NEGR1: variants seen among roughly 807,000 people sequenced by gnomAD.
NEGR1 encodes the protein neuronal growth regulator 1.
NEGR1 carries 10 observed loss-of-function variants against 40.9 expected under a neutral mutation model. That is an observed-to-expected ratio of 0.24 (90% CI 0.15 to 0.42). The LOEUF (loss-of-function observed/expected upper bound fraction) is 0.42. Among genes scored for constraint, NEGR1 ranks in the 10% least tolerant of loss-of-function variants. The pLI, the probability that NEGR1 is intolerant of heterozygous loss-of-function variation, is 1.00. For synonymous variants in NEGR1, 185 were observed against 166.8 expected (o/e 1.11, Z -0.84); for missense variants, 352 against 438.9 (o/e 0.80, Z 1.77).
intron 4 of NEGR1, among the ~76,000 whole-genome samples, chr1:71,626,059 T>C (rs1421290363): frequency 6.6e-6 from 1 of 151,778 alleles, no homozygotes; most frequent in Middle Eastern, 3.2e-3. Flanking sequence ...TGCCTGATGA[T>C]CTGAGGTGGA....
chr1:71,760,545 T>G (rs1308255336), intron 3 of NEGR1, among the ~76,000 whole-genome samples: 1 of 152,222 alleles, frequency 6.6e-6, no homozygotes, highest in Admixed American at 6.5e-5. Context: ...GATTCATTCA[T>G]TATATAATTA....
chr1:71,569,185 G>A (rs1439444481), intron 6 of NEGR1, among the ~76,000 whole-genome samples: 1 of 152,000 alleles, frequency 6.6e-6, no homozygotes, highest in African/African-American at 2.4e-5. Context: ...CAAAGTGCTG[G>A]GATTACAGGT....
chr1:71,437,526 A>T (rs747278471), intron 6 of NEGR1, among the ~76,000 whole-genome samples: 7 of 152,208 alleles, frequency 4.6e-5, no homozygotes, highest in Non-Finnish European at 8.8e-5. Context: ...TGGTGCTAAA[A>T]AAAAAGCTAA....
intron 4 of NEGR1, among the ~76,000 whole-genome samples, chr1:71,692,187 A>T: frequency 6.6e-6 from 1 of 151,920 alleles, no homozygotes; most frequent in East Asian, 1.9e-4. Flanking sequence ...AGATGTACCA[A>T]AGTGTATCAT....
intron 4 of NEGR1, among the ~76,000 whole-genome samples, chr1:71,633,085 T>C (rs902120315): frequency 6.6e-6 from 1 of 152,116 alleles, no homozygotes; most frequent in Non-Finnish European, 1.5e-5. Context: ...TACTTTCAAA[T>C]TGAGTTCAGG....
chr1:71,486,010 C>T (rs1288872374), intron 6 of NEGR1, among the ~76,000 whole-genome samples: 1 of 151,656 alleles, frequency 6.6e-6, no homozygotes, highest in East Asian at 1.9e-4. Flanking sequence ...GCCAAACTGT[C>T]TTCCAAAGTG....
intron 2 of NEGR1, among the ~76,000 whole-genome samples, chr1:71,833,125 T>C (rs1658896098): frequency 6.6e-6 from 1 of 152,186 alleles, no homozygotes; most frequent in Non-Finnish European, 1.5e-5. Flanking sequence ...TTTTCTTCAA[T>C]ATAGGCTACT....
intron 3 of NEGR1, among the ~76,000 whole-genome samples, chr1:71,739,587 T>G (rs1655151824): frequency 6.6e-6 from 1 of 152,006 alleles, no homozygotes; most frequent in Non-Finnish European, 1.5e-5. Context: ...TTCCCTCCTA[T>G]TCTATCTGTG....
At chr1:72,081,914 G>A (rs191726636) in intron 1 of NEGR1, among the ~76,000 whole-genome samples, 7 of 151,972 alleles carry the variant, frequency 4.6e-5, no homozygotes, top group African/African-American at 1.4e-4. Flanking sequence ...ACTTTAATGC[G>A]AATGACTGTA....
chr1:71,862,148 G>A (rs1659968191), intron 2 of NEGR1, among the ~76,000 whole-genome samples: 1 of 151,890 alleles, frequency 6.6e-6, no homozygotes, highest in Admixed American at 6.6e-5. Flanking sequence ...TTATTATAGG[G>A]AGATCTTCCT....
chr1:71,845,307 G>A (rs1391986405), intron 2 of NEGR1, among the ~76,000 whole-genome samples: 2 of 151,898 alleles, frequency 1.3e-5, no homozygotes, highest in Non-Finnish European at 2.9e-5. Flanking sequence ...ACCAATTTGT[G>A]CATAAATAAG....
At chr1:72,267,513 T>C (rs1322169977) in intron 1 of NEGR1, among the ~76,000 whole-genome samples, 1 of 151,310 alleles carries the variant, frequency 6.6e-6, no homozygotes, top group Non-Finnish European at 1.5e-5. Context: ...AAAATAGTTA[T>C]ATGTATCAAA....
At chr1:72,136,562 C>T (rs1650471307) in intron 1 of NEGR1, among the ~76,000 whole-genome samples, 1 of 147,264 alleles carries the variant, frequency 6.8e-6, no homozygotes, top group East Asian at 2.0e-4. Flanking sequence ...AATGGCCAGA[C>T]TTTATAAAGC....
intron 6 of NEGR1, among the ~76,000 whole-genome samples, chr1:71,561,990 T>A (rs1465728192): frequency 6.6e-6 from 1 of 150,810 alleles, no homozygotes; most frequent in Non-Finnish European, 1.5e-5. Context: ...TGCAATTCCT[T>A]TTTTAGAGGT....
At chr1:71,747,941 G>C (rs1227856870) in intron 3 of NEGR1, among the ~76,000 whole-genome samples, 1 of 151,684 alleles carries the variant, frequency 6.6e-6, no homozygotes, top group Admixed American at 6.6e-5. Flanking sequence ...CTATCATCCA[G>C]GTTCTTTCAA....
chr1:71,748,591 G>T (rs1250299651), intron 3 of NEGR1, among the ~76,000 whole-genome samples: 1 of 151,998 alleles, frequency 6.6e-6, no homozygotes, highest in East Asian at 1.9e-4. Flanking sequence ...ATGCCCTTTG[G>T]TTTGCATATT....
chr1:71,446,835 T>C (rs1646585943), intron 6 of NEGR1, among the ~76,000 whole-genome samples: 1 of 152,198 alleles, frequency 6.6e-6, no homozygotes, highest in African/African-American at 2.4e-5. Flanking sequence ...AGAGTAACCA[T>C]TATGTTGACT....
intron 1 of NEGR1, among the ~76,000 whole-genome samples, chr1:72,168,349 C>A (rs951660147): frequency 6.6e-6 from 1 of 151,944 alleles, no homozygotes. Flanking sequence ...AGAGGAGAGC[C>A]AGTCCTTTTT....
At chr1:71,941,588 C>T (rs1242308213) in intron 1 of NEGR1, among the ~76,000 whole-genome samples, 2 of 152,024 alleles carry the variant, frequency 1.3e-5, no homozygotes, top group Non-Finnish European at 2.9e-5. Context: ...GGTGGGAAAT[C>T]CATGGTAACA....
Sources: gnomAD v4.1 joint callset for allele counts (sites outside exome capture counted in the v4.1 genomes callset) on GRCh38, gnomAD v4.1.1 for gene constraint, MANE v1.5 for transcripts, NCBI Gene and HGNC (gene_info 2026-07-23, HGNC 2026-07-21) for gene names.